YLPM1: variants seen among roughly 807,000 people sequenced by gnomAD.
The protein encoded by YLPM1 is YLP motif-containing protein 1.
A neutral mutation model predicts 230.0 loss-of-function variants in YLPM1; 99 were observed. The observed-to-expected ratio is 0.43, with a 90% CI of 0.37 to 0.51. The LOEUF (loss-of-function observed/expected upper bound fraction) is 0.51. Ranked by LOEUF, YLPM1 falls within the 20% of genes least tolerant of loss-of-function variation. The pLI is 0.00. For missense variants in YLPM1, 2,592 were observed against 2,707.7 expected, an observed-to-expected ratio of 0.96 and a Z score of 0.95; for synonymous variants, 984 against 942.5, an observed-to-expected ratio of 1.04 and a Z score of -0.81.
At chr14:74,829,466 C>A in intron 19 of YLPM1, 123 bp downstream of exon 19, 1 of 1,336,740 alleles carries the variant, frequency 7.5e-7, no homozygotes, top group Non-Finnish European at 1.0e-6. Flanking sequence ...TACGCTATGT[C>A]ATGTATCCCA....
chr14:74,820,274 G>A (rs1336386938), intron 16 of YLPM1, among the ~76,000 whole-genome samples: 1 of 152,156 alleles, frequency 6.6e-6, no homozygotes, highest in African/African-American at 2.4e-5. Flanking sequence ...TGTTGAGACA[G>A]AGTCTGACTC....
In YLPM1 at chr14:74,816,185, T is replaced by G. The variant is rs78863655; in HGVS notation, c.5503-18T>G. 1.3e-6 allele frequency: 2 copies of G among 1,505,290 alleles called. No individual in the cohort carries two copies. The highest frequency in any genetic ancestry group is 1.8e-6 in the Non-Finnish European group (2 of 1,115,918). 93.2% of individuals were successfully genotyped at this position (1,505,290 alleles called of 1,614,324 possible). ...TCTCTCAGTGATTTTTTTTTTTTTTTGGTCTATTCTGTTTCAGATTGTTGT... is the reference window on the plus strand; with the variant it reads ...TCTCTCAGTGATTTTTTTTTTTTTTGGGTCTATTCTGTTTCAGATTGTTGT... On this transcript the variant is annotated intron_variant, in intron 11 of 20. Transcript: ENST00000325680.
chr14:74,774,021 A>G lies in YLPM1; in HGVS notation c.874-4426A>G, dbSNP rs923387633. 2.0e-5 allele frequency among the ~76,000 whole-genome samples: 3 copies of G among 151,740 alleles called. No homozygotes were observed. The East Asian group carries it at 5.8e-4, about 29-fold the overall frequency. ...CAGGCATGAGCCACTGTGCCTGGCC[A>G]AGTGTGCTGTTTTCTTACGTTGAAT... On this transcript the variant is annotated intron_variant, in intron 1 of 20. Transcript: ENST00000325680.
At position 74,802,464 on chromosome 14, in the gene YLPM1, A is replaced by G. The variant is rs2091337238; in HGVS notation, c.4401-92A>G. ...GAGAATTTTAGGACAAGGATTTTTTAGGTCTCCTTTTTTTAATTAAATATT... is the reference window on the plus strand; with the variant it reads ...GAGAATTTTAGGACAAGGATTTTTTGGGTCTCCTTTTTTTAATTAAATATT... On this transcript the variant is annotated intron_variant, in intron 5 of 20. Coordinates refer to ENST00000325680, the MANE Select transcript of YLPM1 (RefSeq NM_019589.3). 4.2e-6 allele frequency: 6 copies of G among 1,428,186 alleles called. No homozygotes were observed. In the Admixed American group the frequency reaches 1.5e-4, roughly 37 times the overall value. 88.5% of individuals were successfully genotyped at this position (1,428,186 alleles called of 1,614,324 possible). A position where few individuals can be genotyped will look rare whatever the true frequency, so the allele number is the denominator to read the frequency against.
chr14:74,829,436 A>G (rs1185779392), intron 19 of YLPM1, 93 bp downstream of exon 19: 4 of 1,527,102 alleles, frequency 2.6e-6, no homozygotes, highest in South Asian at 1.2e-5. Flanking sequence ...CATGGATGCT[A>G]TTTTTAGAAT....
chr14:74,768,177 T>C (rs1000785118), intron 1 of YLPM1, among the ~76,000 whole-genome samples: 3 of 152,200 alleles, frequency 2.0e-5, no homozygotes, highest in African/African-American at 7.2e-5. Context: ...AAGGACAAGA[T>C]AAATACTTGA....
intron 19 of YLPM1, 64 bp from the exon 20 acceptor site, chr14:74,835,201 A>G: frequency 6.3e-7 from 1 of 1,587,732 alleles, no homozygotes; most frequent in Non-Finnish European, 8.6e-7. Flanking sequence ...CTGTCCAGAG[A>G]GGGAGGGGGC....
At position 74,774,335 on chromosome 14, in the gene YLPM1, C is replaced by T. The variant is rs144463241; in HGVS notation, c.874-4112C>T. Among the ~76,000 whole-genome samples, 224 of 152,240 alleles carry T rather than the reference C, an allele frequency of 1.5e-3. 5 individuals are homozygous for T. The East Asian group carries it at 0.039, about 27-fold the overall frequency. ...GCAACCTCCACCTCCTGGGTTCAAG[C>T]GAGTCTCCCGTCTCAGCCTCCCAAG... On this transcript the variant is annotated intron_variant, in intron 1 of 20. Coordinates refer to ENST00000325680, the MANE Select transcript of YLPM1 (RefSeq NM_019589.3).
chr14:74,835,200 G>GA, intron 19 of YLPM1, 65 bp from the exon 20 acceptor site: 1 of 1,587,978 alleles, frequency 6.3e-7, no homozygotes, highest in Non-Finnish European at 8.6e-7. Flanking sequence ...ACTGTCCAGA[G>GA]AGGGAGGGGG....
At chr14:74,802,379 G>T (rs2091336176) in intron 5 of YLPM1, among the ~76,000 whole-genome samples, 177 bp from the exon 6 acceptor site, 1 of 152,138 alleles carries the variant, frequency 6.6e-6, no homozygotes, top group Admixed American at 6.5e-5. Context: ...TGACTGATGA[G>T]TTAGCTACAT....
intron 11 of YLPM1, among the ~76,000 whole-genome samples, chr14:74,813,561 C>CTGAAAATCTCTGCCTTT (rs1346829467): frequency 3.9e-5 from 6 of 152,028 alleles, no homozygotes; most frequent in African/African-American, 1.4e-4. Context: ...TTAATGCAGT[C>CTGAAAATCTCTGCCTTT]TGAAAATCTC....
chr14:74,835,331 G>A lies in YLPM1; in HGVS notation c.6361G>A (p.Gly2121Arg), dbSNP rs374673057. 5.6e-6 allele frequency: 9 copies of A among 1,613,624 alleles called. No individual in the cohort carries two copies. The highest frequency in any genetic ancestry group is 2.7e-5 in the African/African-American group (2 of 74,880). Residue 2121 changes from glycine (G) to arginine (R), a missense_variant, in exon 20 of 21, where the codon GGA becomes AGA. Coordinates refer to ENST00000325680, the MANE Select transcript of YLPM1 (RefSeq NM_019589.3). ...DRKRAIGFVVGQTDWEKITDE... is the reference protein window; with the variant it reads ...DRKRAIGFVVRQTDWEKITDE... ...GAAAAGGGCCATAGGTTTTGTGGTC[G>A]GACAGACTGATTGGGAGAAGATCAC...
chr14:74,772,307 G>A (rs533567362), intron 1 of YLPM1, among the ~76,000 whole-genome samples: 2 of 150,544 alleles, frequency 1.3e-5, no homozygotes, highest in East Asian at 2.0e-4. Context: ...TTCGTGCCTC[G>A]GCAGCATCTT....
chr14:74,806,144 G>A (rs2091376327), intron 6 of YLPM1, among the ~76,000 whole-genome samples: 1 of 150,994 alleles, frequency 6.6e-6, no homozygotes, highest in Non-Finnish European at 1.5e-5. Context: ...ATCACAAGAG[G>A]TCAGGAGTTC....
At chr14:74,823,463 A>G (rs1023502707) in intron 17 of YLPM1, among the ~76,000 whole-genome samples, 1 of 152,136 alleles carries the variant, frequency 6.6e-6, no homozygotes, top group Non-Finnish European at 1.5e-5. Flanking sequence ...TGCATAGTTC[A>G]ATAGGCACAC....
intron 19 of YLPM1, among the ~76,000 whole-genome samples, chr14:74,832,743 G>C (rs932645209): frequency 1.3e-5 from 2 of 152,184 alleles, no homozygotes; most frequent in African/African-American, 4.8e-5. Flanking sequence ...AAAGTGCTGG[G>C]ATTACAGGCG....
intron 18 of YLPM1, among the ~76,000 whole-genome samples, chr14:74,825,197 C>T (rs8008475): frequency 0.7 from 105,618 of 151,918 alleles, 36,849 homozygotes; most frequent in East Asian, 0.78. Context: ...GTTTGAGTCA[C>T]TGAGCTGCTT....
At chr14:74,828,293 A>G (rs959122552) in intron 18 of YLPM1, among the ~76,000 whole-genome samples, 3 of 152,184 alleles carry the variant, frequency 2.0e-5, no homozygotes, top group Admixed American at 6.5e-5. Context: ...CCTGCCTAAT[A>G]CTAGTGTGTT....
At chr14:74,793,431 T>C (rs897159224) in intron 4 of YLPM1, among the ~76,000 whole-genome samples, 1 of 152,186 alleles carries the variant, frequency 6.6e-6, no homozygotes, top group Non-Finnish European at 1.5e-5. Context: ...AATTTTTTTT[T>C]CTGTGGTTCT....
Sources: allele counts gnomAD v4.1 joint callset (sites outside exome capture counted in the v4.1 genomes callset), GRCh38; gene constraint gnomAD v4.1.1; transcripts MANE v1.5; gene names NCBI Gene and HGNC (gene_info 2026-07-23, HGNC 2026-07-21).